EFCAB13: variants seen among roughly 807,000 people sequenced by gnomAD.
The protein encoded by EFCAB13 is EF-hand calcium-binding domain-containing protein 13.
A neutral mutation model predicts 110.2 loss-of-function variants in EFCAB13; 91 were observed. The ratio of observed to expected loss-of-function variants is 0.83; its 90% CI spans 0.70 to 0.98. The LOEUF (loss-of-function observed/expected upper bound fraction) is 0.98, where lower values mean the gene tolerates loss of function less well. Ranked by LOEUF, EFCAB13 falls within the 50% of genes least tolerant of loss-of-function variation. The pLI, the probability that EFCAB13 is intolerant of heterozygous loss-of-function variation, is 0.00. For synonymous variants in EFCAB13, 323 were observed against 369.9 expected (o/e 0.87, Z 1.45); for missense variants, 968 against 1,119.4 (o/e 0.86, Z 1.93).
Position 47,347,874 on chromosome 17 carries a change from C to T in EFCAB13, c.584C>T (p.Pro195Leu). Residue 195 changes from proline (P) to leucine (L), a missense_variant, in exon 9 of 25, where the codon CCA (proline) becomes CTA (leucine). Pro to Leu is a moderately conservative substitution (Grantham distance 98). Coordinates refer to ENST00000331493, the MANE Select transcript of EFCAB13 (RefSeq NM_152347.5). The part of the protein sequence containing the change: ...RSGKIYVNDL[P>L]VILCILRISI... ...GGTAAGATTTATGTGAATGATCTTCCAGTGATCCTTTGCATCTTGAGAATT... is the reference window on the plus strand; with the variant it reads ...GGTAAGATTTATGTGAATGATCTTCTAGTGATCCTTTGCATCTTGAGAATT... The T allele has an allele frequency of 6.5e-7, 1 of 1,550,282 alleles. No individual in the cohort carries two copies. Among genetic ancestry groups the T allele is most frequent in the Non-Finnish European group, 8.8e-7 (1 of 1,138,338 alleles).
intron 14 of EFCAB13, among the ~76,000 whole-genome samples, chr17:47,388,827 A>G (rs1019563582): frequency 6.6e-6 from 1 of 152,162 alleles, no homozygotes; most frequent in African/African-American, 2.4e-5. Flanking sequence ...TAAACTGTCA[A>G]AACTGTTTTC....
At chr17:47,427,386 A>G (rs552595112) in intron 23 of EFCAB13, among the ~76,000 whole-genome samples, 1 of 152,204 alleles carries the variant, frequency 6.6e-6, no homozygotes, top group Admixed American at 6.5e-5. Context: ...TCTTTAGAAT[A>G]TCAGTGGAAT....
chr17:47,363,283 T>A (rs1200507867), intron 10 of EFCAB13, among the ~76,000 whole-genome samples: 1 of 152,084 alleles, frequency 6.6e-6, no homozygotes, highest in African/African-American at 2.4e-5. Flanking sequence ...CCTAGGCTGG[T>A]CTCAAACTTC....
At chr17:47,347,180 T>G (rs73324419) in intron 8 of EFCAB13, among the ~76,000 whole-genome samples, 46 of 152,222 alleles carry the variant, frequency 3.0e-4, no homozygotes, top group African/African-American at 1.1e-3. Flanking sequence ...GGTAGGAGGA[T>G]TGTTTAAGCC....
chr17:47,440,387 A>G (rs1905296238), intron 24 of EFCAB13, 44 bp from the exon 25 acceptor site: 1 of 1,495,672 alleles, frequency 6.7e-7, no homozygotes, highest in African/African-American at 1.4e-5. Context: ...TTAATTCTGA[A>G]ACAATAATTC....
intron 20 of EFCAB13, among the ~76,000 whole-genome samples, chr17:47,404,842 G>A (rs572960040): frequency 6.6e-6 from 1 of 152,026 alleles, no homozygotes; most frequent in Non-Finnish European, 1.5e-5. Context: ...GATTGGAGAT[G>A]GGAAAAATAA....
At chr17:47,363,841 A>C (rs1321773917) in intron 10 of EFCAB13, among the ~76,000 whole-genome samples, 1 of 152,182 alleles carries the variant, frequency 6.6e-6, no homozygotes, top group Admixed American at 6.5e-5. Flanking sequence ...AGATAGAATC[A>C]GGCCACATGG....
At chr17:47,370,909 T>C (rs2065579738) in intron 11 of EFCAB13, among the ~76,000 whole-genome samples, 1 of 151,792 alleles carries the variant, frequency 6.6e-6, no homozygotes, top group Non-Finnish European at 1.5e-5. Flanking sequence ...GCCCAGCTAG[T>C]TTTGTATTTT....
chr17:47,431,586 TCATTA>T lies in EFCAB13; in HGVS notation c.2638+1631_2638+1635del, dbSNP rs980801512. On this transcript the variant is annotated intron_variant, in intron 24 of 24. Coordinates refer to ENST00000331493, the MANE Select transcript of EFCAB13 (RefSeq NM_152347.5). This position sits in a 1 kb window ranked among gnomAD's most constrained non-coding sequence, Gnocchi z 4.1. ...TTTCCAAAAATTTGAGGTTTTATAGTCATTACATTATTAATTTCTAGTTTAATTGC... is the reference window on the plus strand; with the variant it reads ...TTTCCAAAAATTTGAGGTTTTATAGTCATTATTAATTTCTAGTTTAATTGC... Among the ~76,000 whole-genome samples, 5 of 152,152 alleles carry T rather than the reference TCATTA, an allele frequency of 3.3e-5. No individual in the cohort carries two copies. Among genetic ancestry groups the T allele is most frequent in the Non-Finnish European group, 4.4e-5 (3 of 68,010 alleles).
At chr17:47,351,312 C>CGT (rs2065451177) in intron 9 of EFCAB13, among the ~76,000 whole-genome samples, 1 of 132,340 alleles carries the variant, frequency 7.6e-6, no homozygotes, top group Non-Finnish European at 1.7e-5. Context: ...TGTGCGCGCG[C>CGT]GCGCGCGCGC....
Position 47,440,589 on chromosome 17 carries a change from G to T in EFCAB13, c.2797G>T (p.Val933Phe). 1 of 1,613,082 alleles carries T rather than the reference G, an allele frequency of 6.2e-7. No individual in the cohort carries two copies. Among genetic ancestry groups the T allele is most frequent in the Non-Finnish European group, 8.5e-7 (1 of 1,179,560 alleles). Residue 933 changes from valine (V) to phenylalanine (F), a missense_variant, in exon 25 of 25, where the codon GTT (valine) becomes TTT (phenylalanine). Coordinates refer to ENST00000331493, the MANE Select transcript of EFCAB13 (RefSeq NM_152347.5). ...YMLKTIQDSI[V>F]KAQVSKKQYN... ...GTTAAAAACAATACAGGATTCGATAGTTAAAGCACAGGTAAGTAAGAAGCA... is the reference window on the plus strand; with the variant it reads ...GTTAAAAACAATACAGGATTCGATATTTAAAGCACAGGTAAGTAAGAAGCA...
Position 47,347,970 on chromosome 17 carries a change from G to A in EFCAB13, c.661+19G>A, listed in dbSNP as rs2065427481. The A allele has an allele frequency of 7.1e-7, 1 of 1,418,196 alleles. No homozygotes were observed. Among genetic ancestry groups the A allele is most frequent in the South Asian group, 1.9e-5 (1 of 53,042 alleles). The allele number at this position is 1,418,196 out of a possible 1,614,324, so 87.9% of individuals were successfully genotyped here. Reference sequence around the variant, plus strand: ...ATTGATGGTAAGTTTTATCTTTTCAGTATTAGTTTAAGGGTCTGCAATCAT... The same window carrying A: ...ATTGATGGTAAGTTTTATCTTTTCAATATTAGTTTAAGGGTCTGCAATCAT... On this transcript the variant is annotated intron_variant, in intron 9 of 24. Transcript: ENST00000331493.
At chr17:47,354,464 A>T (rs2065469527) in intron 9 of EFCAB13, among the ~76,000 whole-genome samples, 1 of 152,102 alleles carries the variant, frequency 6.6e-6, no homozygotes, top group Non-Finnish European at 1.5e-5. Flanking sequence ...TAATGCTGTC[A>T]GTTGAGTATT....
chr17:47,351,298 TGTGTGTGCGCGCGCGCGCGCGC>T lies in EFCAB13; in HGVS notation c.661+3349_661+3370del, dbSNP rs1242485336. 7.3e-3 allele frequency among the ~76,000 whole-genome samples: 948 copies of T among 130,430 alleles called. 22 individuals carry two copies. Among genetic ancestry groups the T allele is most frequent in the East Asian group, 0.053 (172 of 3,260 alleles). The allele number at this position is 130,430 out of a possible 152,430, so 85.6% of individuals were successfully genotyped here. On this transcript the variant is annotated intron_variant, in intron 9 of 24. Coordinates refer to ENST00000331493, the MANE Select transcript of EFCAB13 (RefSeq NM_152347.5). Reference sequence around the variant, plus strand: ...ATTCCACTGTGTGTGTGTGTGTGTGTGTGTGTGCGCGCGCGCGCGCGCGCGCGCGCCACGTTTTCTTTATCCA... The same window carrying T: ...ATTCCACTGTGTGTGTGTGTGTGTGTGCGCGCGCCACGTTTTCTTTATCCA...
At chr17:47,361,555 AT>A (rs1166569574) in intron 10 of EFCAB13, 34 bp downstream of exon 10, 1 of 1,511,712 alleles carries the variant, frequency 6.6e-7, no homozygotes, top group Non-Finnish European at 9.0e-7. Context: ...ATATGTCCAT[AT>A]ATATGTGCAT....
intron 16 of EFCAB13, among the ~76,000 whole-genome samples, chr17:47,395,239 A>G (rs1307444144): frequency 6.6e-6 from 1 of 152,226 alleles, no homozygotes; most frequent in Admixed American, 6.5e-5. Context: ...AGAAGATCAC[A>G]CAGCTGAGAA....
chr17:47,397,971 G>T (rs980639323), intron 17 of EFCAB13, among the ~76,000 whole-genome samples: 3 of 149,832 alleles, frequency 2.0e-5, no homozygotes, highest in African/African-American at 4.9e-5. Flanking sequence ...GAGGTGGGGG[G>T]GTCAGCCCCC....
chr17:47,414,120 G>A (rs1041640569), intron 22 of EFCAB13, among the ~76,000 whole-genome samples: 2 of 152,082 alleles, frequency 1.3e-5, no homozygotes, highest in African/African-American at 4.8e-5. Context: ...GTAGTGGGAT[G>A]GTTTCTGTGC....
chr17:47,398,096 C>G (rs1481809512), intron 17 of EFCAB13, among the ~76,000 whole-genome samples: 1 of 148,156 alleles, frequency 6.7e-6, no homozygotes, highest in South Asian at 2.2e-4. Context: ...CCAGCCGCCC[C>G]GTCCGGGAGG....
Sources: allele counts gnomAD v4.1 joint callset (sites outside exome capture counted in the v4.1 genomes callset), GRCh38; gene constraint gnomAD v4.1.1; non-coding constraint Gnocchi (gnomAD v3.1); transcripts MANE v1.5; gene names NCBI Gene and HGNC (gene_info 2026-07-23, HGNC 2026-07-21).